ZNF564: variants seen among roughly 807,000 people sequenced by gnomAD.
ZNF564 encodes zinc finger protein 564.
In ZNF564, 5 loss-of-function variants were observed where a neutral mutation model predicts 10.5. The ratio of observed to expected loss-of-function variants is 0.48; its 90% CI spans 0.25 to 1.00. The LOEUF (loss-of-function observed/expected upper bound fraction) is 1.00, where lower values mean the gene tolerates loss of function less well. ZNF564 is among the 50% of genes least tolerant of loss of function. ZNF564 has a pLI of 0.16. For missense variants in ZNF564, 603 were observed against 669.7 expected, an observed-to-expected ratio of 0.90 and a Z score of 1.10; for synonymous variants, 242 against 218.1, an observed-to-expected ratio of 1.11 and a Z score of -0.97.
At chr19:12,529,605 C>A (rs75234179) in intron 1 of ZNF564, among the ~76,000 whole-genome samples, 11 of 147,134 alleles carry the variant, frequency 7.5e-5, no homozygotes, top group Non-Finnish European at 6.0e-5. Context: ...GACTAAGTCT[C>A]AAAAAAAAAA....
At chr19:12,530,832 T>C (rs1471241096) in intron 1 of ZNF564, among the ~76,000 whole-genome samples, 3 of 152,180 alleles carry the variant, frequency 2.0e-5, no homozygotes, top group African/African-American at 7.2e-5. Context: ...AGTGGCATGA[T>C]CACAGCTCAC....
chr19:12,526,550 AG>A lies in ZNF564; in HGVS notation c.1557del (p.Gln521LysfsTer14). On this transcript the variant is annotated frameshift_variant, in exon 4 of 4. Coordinates refer to ENST00000339282, the MANE Select transcript of ZNF564 (RefSeq NM_144976.4). LOFTEE classifies it low-confidence loss of function (END_TRUNC). ...TTATGAGCTCTTTCATGTCTTTGAAAGGAACTGGAATAACTGAACGTTTTTC... is the reference window on the plus strand; with the variant it reads ...TTATGAGCTCTTTCATGTCTTTGAAAGAACTGGAATAACTGAACGTTTTTC... ...QCGKTFSYSSSFQRHERAHNG... is the reference protein window; with the variant it reads ...QCGKTFSYSSXFQRHERAHNG... 6.2e-7 allele frequency: 1 copy of A among 1,614,094 alleles called. No individual in the cohort carries two copies. The highest frequency in any genetic ancestry group is 1.1e-5 in the South Asian group (1 of 91,066).
intron 1 of ZNF564, 130 bp downstream of exon 1, chr19:12,551,200 C>A (rs1362367980): frequency 9.2e-7 from 1 of 1,088,080 alleles, no homozygotes. Flanking sequence ...GAGGGCCGAG[C>A]TGCGCCAGGG....
chr19:12,531,387 C>T (rs932790595), intron 1 of ZNF564, among the ~76,000 whole-genome samples: 6 of 151,786 alleles, frequency 4.0e-5, no homozygotes, highest in East Asian at 3.9e-4. Context: ...GGAAACACGG[C>T]GAAACCTCGT....
intron 1 of ZNF564, among the ~76,000 whole-genome samples, chr19:12,532,249 T>C (rs186610364): frequency 6.6e-5 from 10 of 150,670 alleles, no homozygotes; most frequent in Admixed American, 2.6e-4. Context: ...AAAAAAAATT[T>C]TTTTGGCCGG....
intron 1 of ZNF564, among the ~76,000 whole-genome samples, chr19:12,537,796 G>A (rs191465103): frequency 2.6e-5 from 4 of 151,704 alleles, no homozygotes; most frequent in Admixed American, 6.6e-5. Context: ...TCCATTTTGG[G>A]TTGTTCAGTG....
At chr19:12,545,089 C>G (rs1040078749) in intron 1 of ZNF564, among the ~76,000 whole-genome samples, 1 of 151,892 alleles carries the variant, frequency 6.6e-6, no homozygotes, top group Admixed American at 6.6e-5. Flanking sequence ...AGAAACCCCC[C>G]GTCTCTACTA....
Position 12,528,624 on chromosome 19 carries a change from T to C in ZNF564, c.76A>G (p.Lys26Glu). The change falls in exon 2 of 4, where the codon AAG (lysine) becomes GAG (glutamate). Residue 26 changes from lysine to glutamate, a missense_variant. By Grantham distance (56) the Lys-to-Glu change is moderately conservative. Coordinates refer to ENST00000339282, the MANE Select transcript of ZNF564 (RefSeq NM_144976.4). ...EEWALLDPSQKKLYRDVMRET... is the reference protein window; with the variant it reads ...EEWALLDPSQEKLYRDVMRET... Reference sequence around the variant, plus strand: ...CGCATCACATCTCTGTAGAGTTTCTTCTGGGAAGGATCCAGCAAAGCCCAC... The same window carrying C: ...CGCATCACATCTCTGTAGAGTTTCTCCTGGGAAGGATCCAGCAAAGCCCAC... The C allele has an allele frequency of 6.2e-7, 1 of 1,614,054 alleles. No homozygotes were observed. Among genetic ancestry groups the C allele is most frequent in the Non-Finnish European group, 8.5e-7 (1 of 1,180,014 alleles).
chr19:12,533,870 T>C (rs1238717115), intron 1 of ZNF564, among the ~76,000 whole-genome samples: 4 of 116,338 alleles, frequency 3.4e-5, no homozygotes, highest in Non-Finnish European at 7.2e-5. Context: ...AGGAAATCAA[T>C]AGAGATTAAA....
chr19:12,540,131 A>G (rs1427035971), intron 1 of ZNF564, among the ~76,000 whole-genome samples: 1 of 152,214 alleles, frequency 6.6e-6, no homozygotes, highest in African/African-American at 2.4e-5. Context: ...GGTTAAGAAA[A>G]GCAAGGAAAT....
At chr19:12,542,014 C>CA (rs74180077) in intron 1 of ZNF564, among the ~76,000 whole-genome samples, 28,848 of 56,154 alleles carry the variant, frequency 0.51, 7,684 homozygotes, top group Non-Finnish European at 0.61. Flanking sequence ...AGACTCTGTC[C>CA]AAAAAAAAAA....
chr19:12,539,447 C>A (rs2021991619), intron 1 of ZNF564, among the ~76,000 whole-genome samples: 1 of 145,318 alleles, frequency 6.9e-6, no homozygotes, highest in South Asian at 2.2e-4. Flanking sequence ...ATCACAAGGT[C>A]AGGAGTTCGA....
At chr19:12,536,153 C>T (rs936358145) in intron 1 of ZNF564, among the ~76,000 whole-genome samples, 1 of 151,976 alleles carries the variant, frequency 6.6e-6, no homozygotes, top group Non-Finnish European at 1.5e-5. Context: ...AGACTCATGA[C>T]TGAAAAGTAA....
intron 1 of ZNF564, among the ~76,000 whole-genome samples, chr19:12,535,242 G>A (rs375399635): frequency 3.8e-4 from 57 of 151,796 alleles, no homozygotes; most frequent in South Asian, 2.9e-3. Context: ...GCATGGTGGC[G>A]GACACCTGTA....
At chr19:12,551,098 TCCGAGG>T (rs1249976891) in intron 1 of ZNF564, among the ~76,000 whole-genome samples, 1 of 152,172 alleles carries the variant, frequency 6.6e-6, no homozygotes, top group Admixed American at 6.5e-5. Flanking sequence ...CAGACAGGGC[TCCGAGG>T]CCGAGGCCGC....
intron 1 of ZNF564, among the ~76,000 whole-genome samples, chr19:12,539,936 G>A (rs1325264233): frequency 4.0e-5 from 6 of 150,668 alleles, no homozygotes; most frequent in Non-Finnish European, 8.8e-5. Flanking sequence ...AGCCGAGATC[G>A]CGCCACTGCA....
At position 12,526,769 on chromosome 19, in the gene ZNF564, C is replaced by T; in HGVS notation, c.1339G>A (p.Gly447Arg). Residue 447 changes from glycine to arginine, a missense_variant, in exon 4 of 4, where the codon GGA (glycine) becomes AGA (arginine). Gly to Arg is a moderately radical substitution (Grantham distance 125). Transcript: ENST00000339282. ...RKHMILHTGDGPYKCQVCGKA... is the reference protein window; with the variant it reads ...RKHMILHTGDRPYKCQVCGKA... Reference sequence around the variant, plus strand: ...CCACATACCTGACATTTATAAGGTCCATCTCCAGTGTGCAGTATCATATGT... The same window carrying T: ...CCACATACCTGACATTTATAAGGTCTATCTCCAGTGTGCAGTATCATATGT... The T allele has an allele frequency of 3.7e-6, 6 of 1,614,014 alleles. No homozygotes were observed. The highest frequency in any genetic ancestry group is 5.1e-6 in the Non-Finnish European group (6 of 1,180,022).
At chr19:12,542,932 G>T (rs900886921) in intron 1 of ZNF564, among the ~76,000 whole-genome samples, 2 of 151,984 alleles carry the variant, frequency 1.3e-5, no homozygotes, top group African/African-American at 4.8e-5. Context: ...AATCCCGGAG[G>T]CAGAGTTTGC....
In ZNF564 at chr19:12,540,615, G is replaced by A. The variant is rs2022023433; in HGVS notation, c.3+10715C>T. Among the ~76,000 whole-genome samples, 6 of 152,156 alleles carry A rather than the reference G, an allele frequency of 3.9e-5. No individual in the cohort carries two copies. The South Asian group carries it at 8.3e-4, about 21-fold the overall frequency. ...CATGCCTGTAATCCCAGCACTTTGG[G>A]AGGCCAAGGCGGGCAGATCACAAAG... On this transcript the variant is annotated intron_variant, in intron 1 of 3. Coordinates refer to ENST00000339282, the MANE Select transcript of ZNF564 (RefSeq NM_144976.4).
Sources: allele counts gnomAD v4.1 joint callset (sites outside exome capture counted in the v4.1 genomes callset), GRCh38; gene constraint gnomAD v4.1.1; transcripts MANE v1.5; gene names NCBI Gene and HGNC (gene_info 2026-07-23, HGNC 2026-07-21).